Variants in RPS6KB1 observed in about 807,000 individuals in gnomAD.
RPS6KB1 encodes the protein ribosomal protein S6 kinase beta-1.
A neutral mutation model predicts 70.2 loss-of-function variants in RPS6KB1; 12 were observed. The ratio of observed to expected loss-of-function variants is 0.17; its 90% CI spans 0.11 to 0.28. RPS6KB1 has a LOEUF of 0.28. Ranked by LOEUF, RPS6KB1 falls within the 10% of genes least tolerant of loss-of-function variation. The pLI, the probability that RPS6KB1 is intolerant of heterozygous loss-of-function variation, is 1.00. For missense variants in RPS6KB1, 270 were observed against 646.6 expected (o/e 0.42, Z 6.32); for synonymous variants, 175 against 211.2 (o/e 0.83, Z 1.49).
In RPS6KB1 at chr17:59,935,218, A is replaced by G. The variant is rs769735104; in HGVS notation, c.896A>G (p.Lys299Arg). 1.9e-6 allele frequency: 3 copies of G among 1,612,096 alleles called. No individual in the cohort carries two copies. In the Admixed American group the frequency reaches 5.0e-5, roughly 27 times the overall value. Residue 299 changes from lysine (K) to arginine (R), a missense_variant, in exon 10 of 15, where the codon AAG (lysine) becomes AGG (arginine). By Grantham distance (26) the Lys-to-Arg change is conservative. Around this residue, in one of 4 missense-constraint regions of RPS6KB1, gnomAD observed 133 missense variants for 314.7 expected, o/e 0.42. Transcript: ENST00000225577. ...CCCCCATTCACTGGGGAGAATAGAA[A>G]GAAAACAATTGACAAAATCCTCAAA... ...GAPPFTGENR[K>R]KTIDKILKCK... is the part of the protein sequence containing the mutation.
intron 7 of RPS6KB1, among the ~76,000 whole-genome samples, chr17:59,932,844 TC>T (rs2044006883): frequency 1.3e-5 from 2 of 152,054 alleles, no homozygotes; most frequent in African/African-American, 2.4e-5. Context: ...TAACCCACCT[TC>T]CCCCCAGCCA....
In RPS6KB1 at chr17:59,910,399, G is replaced by A. The variant is rs138122995; in HGVS notation, c.142-163G>A. 1.2e-3 allele frequency among the ~76,000 whole-genome samples: 179 copies of A among 152,172 alleles called. 1 individual carries two copies. The highest frequency in any genetic ancestry group is 2.1e-3 in the Non-Finnish European group (144 of 68,006). On this transcript the variant is annotated intron_variant, in intron 1 of 14. Coordinates refer to ENST00000225577, the MANE Select transcript of RPS6KB1 (RefSeq NM_003161.4). ...GTGAAATTCCCATAGTGTTGTTTGT[G>A]TACTGTGTTTTGTTCATTACCATAT... is the stretch of plus-strand genomic sequence containing the variant.
chr17:59,945,307 G>A (rs555743935), intron 13 of RPS6KB1, 99 bp from the exon 14 acceptor site: 4 of 649,460 alleles, frequency 6.2e-6, no homozygotes, highest in Non-Finnish European at 1.1e-5. Flanking sequence ...GGTGGTTTTA[G>A]GTGTGCATCA....
rs551841372 is a variant in RPS6KB1, at chr17:59,949,473, A to G, written c.*2685A>G. 20 of 152,628 alleles carry G rather than the reference A, an allele frequency of 1.3e-4. No individual in the cohort carries two copies. Among genetic ancestry groups the G allele is most frequent in the African/African-American group, 4.6e-4 (19 of 41,570 alleles). The allele number at this position is 152,628 out of a possible 1,614,324, so 9.5% of individuals were successfully genotyped here. Reference sequence around the variant, plus strand: ...TATTTTCTTTAAAATCAGCTATTACAGGATATTTTTTTATTTTATACATGC... The same window carrying G: ...TATTTTCTTTAAAATCAGCTATTACGGGATATTTTTTTATTTTATACATGC... On this transcript the variant is annotated 3_prime_UTR_variant, in exon 15 of 15. Coordinates refer to ENST00000225577, the MANE Select transcript of RPS6KB1 (RefSeq NM_003161.4).
In RPS6KB1 at chr17:59,921,831, T is replaced by C. The variant is rs76750903; in HGVS notation, c.382-4604T>C. ...TTAGAACCTTTGGCCAAAGGTGTTC[T>C]CCACCTCTGAAATATTGCGGTTTCA... On this transcript the variant is annotated intron_variant, in intron 4 of 14. Coordinates refer to ENST00000225577, the MANE Select transcript of RPS6KB1 (RefSeq NM_003161.4). Among the ~76,000 whole-genome samples, 4 of 152,344 alleles carry C rather than the reference T, an allele frequency of 2.6e-5. No homozygotes were observed. The East Asian group carries it at 7.7e-4, about 29-fold the overall frequency.
At chr17:59,902,100 C>CTTT (rs35721755) in intron 1 of RPS6KB1, among the ~76,000 whole-genome samples, 14 of 81,628 alleles carry the variant, frequency 1.7e-4, no homozygotes, top group East Asian at 7.8e-4. Context: ...GTGGCTTTCA[C>CTTT]TTTTTTTTTT....
At chr17:59,910,493 G>A in intron 1 of RPS6KB1, 69 bp from the exon 2 acceptor site, 1 of 955,954 alleles carries the variant, frequency 1.0e-6, no homozygotes. Context: ...TCAGTTATGA[G>A]ACAAAGAATT....
At chr17:59,941,757 C>G (rs1394301470) in intron 13 of RPS6KB1, among the ~76,000 whole-genome samples, 1 of 151,840 alleles carries the variant, frequency 6.6e-6, no homozygotes, top group Non-Finnish European at 1.5e-5. Flanking sequence ...CCTCAGCCTC[C>G]CGAGTAGCTG....
At chr17:59,936,163 A>G (rs2044224239) in intron 10 of RPS6KB1, 52 bp from the exon 11 acceptor site, 1 of 1,539,656 alleles carries the variant, frequency 6.5e-7, no homozygotes, top group East Asian at 2.2e-5. Flanking sequence ...AAGGAAAAAA[A>G]AAAATCAGTT....
Position 59,893,144 on chromosome 17 carries a change from A to C in RPS6KB1, c.-41A>C. 3.1e-6 allele frequency: 5 copies of C among 1,597,794 alleles called. No homozygotes were observed. Among genetic ancestry groups the C allele is most frequent in the Non-Finnish European group, 4.3e-6 (5 of 1,173,026 alleles). ...ACGCACTGAGCCTAAGCAGCCGGTG[A>C]TGGCGGCAGCGGCTGTGGTGGCTGC... is the stretch of plus-strand genomic sequence containing the variant. On this transcript the variant is annotated 5_prime_UTR_variant, in exon 1 of 15. An upstream start codon of the reference 5' UTR is lost. Coordinates refer to ENST00000225577, the MANE Select transcript of RPS6KB1 (RefSeq NM_003161.4). This position sits in a 1 kb window ranked among gnomAD's most constrained non-coding sequence, Gnocchi z 4.1.
chr17:59,901,034 G>T (rs2041905428), intron 1 of RPS6KB1, among the ~76,000 whole-genome samples: 1 of 151,730 alleles, frequency 6.6e-6, no homozygotes. Context: ...GGTGGTGCAT[G>T]CCTGTAATCC....
rs1568377579 is a variant in RPS6KB1, at chr17:59,900,225, CA to C, written c.141+6901del. On this transcript the variant is annotated intron_variant, in intron 1 of 14. Transcript: ENST00000225577. ...ACACACACACACACACACACACACACACACACCCCTATGTGTTTTTGTTGTG... is the reference window on the plus strand; with the variant it reads ...ACACACACACACACACACACACACACCACACCCCTATGTGTTTTTGTTGTG... 1.2e-3 allele frequency among the ~76,000 whole-genome samples: 178 copies of C among 142,632 alleles called. 4 individuals carry two copies. The highest frequency in any genetic ancestry group is 4.0e-3 in the South Asian group (18 of 4,524). 93.6% of individuals were successfully genotyped at this position (142,632 alleles called of 152,430 possible).
chr17:59,901,298 C>T (rs919878596), intron 1 of RPS6KB1, among the ~76,000 whole-genome samples: 7 of 151,136 alleles, frequency 4.6e-5, no homozygotes, highest in Admixed American at 2.6e-4. Flanking sequence ...TACAGGTGCC[C>T]GCCACCACGC....
At chr17:59,914,063 C>T (rs908737705) in intron 3 of RPS6KB1, among the ~76,000 whole-genome samples, 1 of 152,098 alleles carries the variant, frequency 6.6e-6, no homozygotes, top group Admixed American at 6.6e-5. Flanking sequence ...TATTTTCATT[C>T]TGCGGTTGGT....
intron 5 of RPS6KB1, among the ~76,000 whole-genome samples, chr17:59,927,082 C>CT (rs777169137): frequency 6.6e-6 from 1 of 151,760 alleles, no homozygotes; most frequent in Non-Finnish European, 1.5e-5. Context: ...TCACAGGTGT[C>CT]TATTTATTTT....
In RPS6KB1 at chr17:59,930,098, T is replaced by C. The variant is rs1486921805; in HGVS notation, c.530-19T>C. The stretch of plus-strand genomic sequence containing the variant: ...ATAAATATTGTTTTATTTATAATGT[T>C]TTTTCTTTTTCTTTACAGGAGGAGA... On this transcript the variant is annotated intron_variant, in intron 5 of 14. Transcript: ENST00000225577. 7 of 1,198,492 alleles carry C rather than the reference T, an allele frequency of 5.8e-6. No individual in the cohort carries two copies. The highest frequency in any genetic ancestry group is 1.7e-5 in the Admixed American group (1 of 59,242). 74.2% of individuals were successfully genotyped at this position (1,198,492 alleles called of 1,614,324 possible).
Position 59,950,415 on chromosome 17 carries a change from A to G in RPS6KB1, c.*3627A>G, listed in dbSNP as rs187967995. ...TAAATAGAAATTAAATGCAAATTTG[A>G]ATGAACATAAATAGAAGTGATTTAT... On this transcript the variant is annotated 3_prime_UTR_variant, in exon 15 of 15. Coordinates refer to ENST00000225577, the MANE Select transcript of RPS6KB1 (RefSeq NM_003161.4). 22 of 152,728 alleles carry G rather than the reference A, an allele frequency of 1.4e-4. No homozygotes were observed. In the East Asian group the frequency reaches 3.7e-3, roughly 25 times the overall value. 9.5% of individuals were successfully genotyped at this position (152,728 alleles called of 1,614,324 possible).
At chr17:59,945,069 T>C (rs1317600474) in intron 13 of RPS6KB1, 6 of 173,346 alleles carry the variant, frequency 3.5e-5, no homozygotes, top group Admixed American at 1.2e-4. Context: ...CCCAAAGTGC[T>C]GGGATGACAG....
chr17:59,925,028 T>C (rs1011879822), intron 4 of RPS6KB1, among the ~76,000 whole-genome samples: 1 of 152,118 alleles, frequency 6.6e-6, no homozygotes, highest in African/African-American at 2.4e-5. Flanking sequence ...AGATGGCGTT[T>C]CACCGTGTTA....
Sources: allele counts gnomAD v4.1 joint callset (sites outside exome capture counted in the v4.1 genomes callset), GRCh38; gene constraint gnomAD v4.1.1; regional missense constraint gnomAD v4.1.1; non-coding constraint Gnocchi (gnomAD v3.1); transcripts MANE v1.5; gene names NCBI Gene and HGNC (gene_info 2026-07-23, HGNC 2026-07-21).